Variants in TAFA1 observed in about 807,000 individuals in gnomAD.
TAFA1 encodes TAFA chemokine like family member 1.
Under a neutral mutation model 18.5 loss-of-function variants are expected in TAFA1, and 4 were observed. The ratio of observed to expected loss-of-function variants is 0.22; its 90% CI spans 0.11 to 0.49. The LOEUF (loss-of-function observed/expected upper bound fraction) is 0.49, where lower values mean the gene tolerates loss of function less well. TAFA1 is among the 20% of genes least tolerant of loss of function. The probability of loss-of-function intolerance (pLI) is 0.98; values close to 1 mark genes in which losing one functional copy is unlikely to be tolerated. For synonymous variants in TAFA1, 56 were observed against 55.2 expected (o/e 1.01, Z -0.06); for missense variants, 147 against 169.0 (o/e 0.87, Z 0.72).
intron 2 of TAFA1, among the ~76,000 whole-genome samples, chr3:68,295,358 T>A (rs535996651): frequency 1.3e-5 from 2 of 152,140 alleles, no homozygotes; most frequent in Non-Finnish European, 2.9e-5. Flanking sequence ...TTTTCATACT[T>A]TGTTAGGAAA....
intron 3 of TAFA1, among the ~76,000 whole-genome samples, chr3:68,517,184 T>A (rs187778670): frequency 1.3e-5 from 2 of 152,212 alleles, no homozygotes; most frequent in African/African-American, 4.8e-5. Flanking sequence ...CATCTCCAAC[T>A]TCTTAAAAGA....
At chr3:68,155,420 A>G (rs531949247) in intron 2 of TAFA1, among the ~76,000 whole-genome samples, 1 of 152,300 alleles carries the variant, frequency 6.6e-6, no homozygotes, top group South Asian at 2.1e-4. Flanking sequence ...TTTTTCCAGC[A>G]TTAATATCAT....
chr3:68,416,297 T>C (rs1021370325), intron 2 of TAFA1, among the ~76,000 whole-genome samples: 1 of 152,188 alleles, frequency 6.6e-6, no homozygotes, highest in East Asian at 1.9e-4. Flanking sequence ...GTATCCTCTA[T>C]GTACAGGAGA....
Position 68,263,930 on chromosome 3 carries a change from G to A in TAFA1, c.119-153350G>A, listed in dbSNP as rs1225076114. 3.3e-5 allele frequency among the ~76,000 whole-genome samples: 5 copies of A among 152,190 alleles called. No homozygotes were observed. In the East Asian group the frequency reaches 7.7e-4, roughly 24 times the overall value. The stretch of plus-strand genomic sequence containing the variant: ...CTGTGTATCTTCTATTTACAAATGA[G>A]AATGATTTGCCAAATAACAGCTATA... On this transcript the variant is annotated intron_variant, in intron 2 of 4. Transcript: ENST00000478136.
At chr3:68,533,249 C>T (rs1575957765) in intron 3 of TAFA1, among the ~76,000 whole-genome samples, 1 of 152,030 alleles carries the variant, frequency 6.6e-6, no homozygotes, top group South Asian at 2.1e-4. Flanking sequence ...GCTGGAGAGG[C>T]CTCACAATCA....
intron 2 of TAFA1, among the ~76,000 whole-genome samples, chr3:68,135,837 T>C (rs1228509584): frequency 6.6e-6 from 1 of 152,204 alleles, no homozygotes; most frequent in African/African-American, 2.4e-5. Context: ...ATGGTAGATA[T>C]GATGCCAGAT....
At chr3:68,250,915 A>T (rs2067183566) in intron 2 of TAFA1, 1 of 152,084 alleles carries the variant, frequency 6.6e-6, no homozygotes, top group Non-Finnish European at 1.5e-5. Context: ...TCTTATGGTA[A>T]TGTAATAGTA....
chr3:68,498,315 T>C (rs1386250438), intron 3 of TAFA1, among the ~76,000 whole-genome samples: 5 of 152,268 alleles, frequency 3.3e-5, no homozygotes, highest in Admixed American at 1.3e-4. Context: ...TCCACACATA[T>C]GTATTGAGCC....
chr3:68,137,786 G>A (rs1176200001), intron 2 of TAFA1, among the ~76,000 whole-genome samples: 2 of 152,260 alleles, frequency 1.3e-5, no homozygotes, highest in African/African-American at 2.4e-5. Flanking sequence ...TTCACGTCTG[G>A]CTGGCACTTA....
At chr3:68,085,854 C>T (rs138139221) in intron 2 of TAFA1, among the ~76,000 whole-genome samples, 1 of 152,262 alleles carries the variant, frequency 6.6e-6, no homozygotes, top group Non-Finnish European at 1.5e-5. Flanking sequence ...AATCTCTTTC[C>T]ACAGTTCATG....
At chr3:68,293,110 T>A (rs1022354993) in intron 2 of TAFA1, among the ~76,000 whole-genome samples, 2 of 152,178 alleles carry the variant, frequency 1.3e-5, no homozygotes, top group Non-Finnish European at 2.9e-5. Flanking sequence ...CACTGGGAGA[T>A]TTACCTCTGT....
intron 2 of TAFA1, among the ~76,000 whole-genome samples, chr3:68,102,447 C>T (rs2106819911): frequency 6.6e-6 from 1 of 152,200 alleles, no homozygotes. Flanking sequence ...TTTTACCCTA[C>T]CATAATTAAT....
At chr3:68,417,170 G>C in intron 2 of TAFA1, 110 bp from the exon 3 acceptor site, 2 of 798,424 alleles carry the variant, frequency 2.5e-6, no homozygotes, top group Non-Finnish European at 4.0e-6. Flanking sequence ...CATGGAAACT[G>C]TTTCTATAAT....
intron 2 of TAFA1, among the ~76,000 whole-genome samples, chr3:68,174,907 G>C (rs2106968067): frequency 6.6e-6 from 1 of 152,302 alleles, no homozygotes; most frequent in African/African-American, 2.4e-5. Context: ...AGGCCTAGGA[G>C]GAAAAAGTGA....
chr3:68,419,045 A>T (rs906815919), intron 3 of TAFA1, among the ~76,000 whole-genome samples: 2 of 152,072 alleles, frequency 1.3e-5, no homozygotes, highest in Non-Finnish European at 2.9e-5. Flanking sequence ...GGCTGTTGGG[A>T]GGTGGTCTTG....
chr3:68,163,491 T>C (rs998858685), intron 2 of TAFA1, among the ~76,000 whole-genome samples: 1 of 152,226 alleles, frequency 6.6e-6, no homozygotes, highest in African/African-American at 2.4e-5. Flanking sequence ...GAGTCCACCC[T>C]TAAGTCAAGA....
chr3:68,244,822 A>G (rs2107142984), intron 2 of TAFA1, among the ~76,000 whole-genome samples: 1 of 152,340 alleles, frequency 6.6e-6, no homozygotes, highest in South Asian at 2.1e-4. Flanking sequence ...TTTGCAGAAA[A>G]AAATGCGTGC....
chr3:68,260,891 A>C (rs2067405579), intron 2 of TAFA1, among the ~76,000 whole-genome samples: 1 of 152,132 alleles, frequency 6.6e-6, no homozygotes, highest in South Asian at 2.1e-4. Context: ...CACCAAAAGC[A>C]ATGGCAACAA....
intron 2 of TAFA1, among the ~76,000 whole-genome samples, chr3:68,361,457 C>T (rs1370616824): frequency 1.3e-5 from 2 of 151,904 alleles, no homozygotes; most frequent in African/African-American, 4.8e-5. Flanking sequence ...AGCAACAATG[C>T]ATTGCATATT....
Sources: allele counts gnomAD v4.1 joint callset (sites outside exome capture counted in the v4.1 genomes callset), GRCh38; gene constraint gnomAD v4.1.1; transcripts MANE v1.5; gene names NCBI Gene and HGNC (gene_info 2026-07-23, HGNC 2026-07-21).